The following MINDY3 variants were observed in gnomAD, a reference collection of about 807,000 sequenced individuals.
MINDY3 encodes MINDY lysine 48 deubiquitinase 3.
Under a neutral mutation model 69.2 loss-of-function variants are expected in MINDY3, and 38 were observed. The ratio of observed to expected loss-of-function variants is 0.55; its 90% CI spans 0.42 to 0.72. The LOEUF (loss-of-function observed/expected upper bound fraction) is 0.72. Ranked by LOEUF, MINDY3 falls within the 30% of genes least tolerant of loss-of-function variation. The pLI, the probability that MINDY3 is intolerant of heterozygous loss-of-function variation, is 0.00. For synonymous variants in MINDY3, 192 were observed against 180.1 expected (o/e 1.07, Z -0.53); for missense variants, 522 against 519.0 (o/e 1.01, Z -0.06).
intron 11 of MINDY3, among the ~76,000 whole-genome samples, chr10:15,792,474 G>T (rs1837492139): frequency 1.3e-5 from 2 of 152,118 alleles, no homozygotes; most frequent in South Asian, 2.1e-4. Flanking sequence ...AGCTGGGGAT[G>T]CCTGACAGAA....
chr10:15,822,266 A>G (rs1839817890), intron 8 of MINDY3, among the ~76,000 whole-genome samples: 1 of 152,146 alleles, frequency 6.6e-6, no homozygotes, highest in Non-Finnish European at 1.5e-5. Context: ...ATAGAAAATG[A>G]TCTCTGCCTT....
intron 3 of MINDY3, among the ~76,000 whole-genome samples, chr10:15,842,383 A>G (rs1049979340): frequency 5.9e-5 from 9 of 151,892 alleles, no homozygotes; most frequent in Non-Finnish European, 1.3e-4. Context: ...ATGTTTTATC[A>G]AAGTGAATAT....
intron 10 of MINDY3, among the ~76,000 whole-genome samples, chr10:15,804,450 T>TC (rs1838486069): frequency 6.6e-6 from 1 of 152,172 alleles, no homozygotes; most frequent in Non-Finnish European, 1.5e-5. Context: ...GATAAGTAAT[T>TC]CATTACTGAA....
intron 1 of MINDY3, among the ~76,000 whole-genome samples, chr10:15,859,384 A>G (rs764816130): frequency 3.3e-5 from 5 of 152,172 alleles, no homozygotes; most frequent in Non-Finnish European, 5.9e-5. Context: ...TTTTAACCTC[A>G]TCATCATCTT....
intron 4 of MINDY3, 105 bp from the exon 5 acceptor site, chr10:15,838,384 T>G (rs531382666): frequency 2.2e-6 from 2 of 892,634 alleles, no homozygotes; most frequent in African/African-American, 3.4e-5. Flanking sequence ...TTTCCCTATT[T>G]CCTTACTCCC....
At chr10:15,793,318 C>CTGAGCCAATTATCTAGAGGTGATACATCA (rs1837562106) in intron 11 of MINDY3, among the ~76,000 whole-genome samples, 1 of 152,108 alleles carries the variant, frequency 6.6e-6, no homozygotes, top group Non-Finnish European at 1.5e-5. Context: ...TGAGATTAAA[C>CTGAGCCAATTATCTAGAGGTGATACATCA]TGAGCCAATT....
intron 12 of MINDY3, among the ~76,000 whole-genome samples, chr10:15,788,388 A>G (rs1370923899): frequency 6.6e-6 from 1 of 152,172 alleles, no homozygotes. Flanking sequence ...TGTGTATTGC[A>G]TACTTTCAAA....
At chr10:15,848,422 C>T (rs937981646) in intron 1 of MINDY3, among the ~76,000 whole-genome samples, 2 of 151,800 alleles carry the variant, frequency 1.3e-5, no homozygotes, top group Admixed American at 6.6e-5. Context: ...ATCACGAGGT[C>T]AGGAGATCGA....
intron 1 of MINDY3, among the ~76,000 whole-genome samples, chr10:15,851,484 T>C (rs1341378979): frequency 6.6e-6 from 1 of 151,960 alleles, no homozygotes; most frequent in Non-Finnish European, 1.5e-5. Context: ...TCTTACCCCT[T>C]GTAAATGTTT....
chr10:15,813,956 A>T (rs1028566724), intron 10 of MINDY3, among the ~76,000 whole-genome samples: 2 of 151,312 alleles, frequency 1.3e-5, no homozygotes, highest in African/African-American at 4.8e-5. Flanking sequence ...TGAATGTATA[A>T]TAAAGCAAAC....
intron 4 of MINDY3, 105 bp downstream of exon 4, chr10:15,841,321 T>A: frequency 1.2e-6 from 1 of 862,052 alleles, no homozygotes; most frequent in Non-Finnish European, 1.8e-6. Context: ...TGGAAAAGAA[T>A]ACATGTTATG....
chr10:15,838,240 T>C lies in MINDY3; in HGVS notation c.449A>G (p.His150Arg). ...AVEELGFERF[H>R]ALIQKRSFRS... ...CAATGTTACTTACTGAATTAATGCA[T>C]GAAATCGCTCAAAGCCAAGCTCTTC... Residue 150 changes from histidine (H) to arginine (R), a missense_variant, in exon 5 of 15, where the codon CAT (histidine) becomes CGT (arginine). Coordinates refer to ENST00000277632, the MANE Select transcript of MINDY3 (RefSeq NM_024948.4). The C allele has an allele frequency of 6.2e-7, 1 of 1,603,808 alleles. No homozygotes were observed. Among genetic ancestry groups the C allele is most frequent in the Non-Finnish European group, 8.5e-7 (1 of 1,176,058 alleles).
chr10:15,837,425 C>T (rs949662154), intron 5 of MINDY3, 107 bp from the exon 6 acceptor site: 2 of 1,243,520 alleles, frequency 1.6e-6, no homozygotes, highest in African/African-American at 3.1e-5. Context: ...TACATACAAA[C>T]AGGAAAGTTT....
At chr10:15,858,078 CA>C (rs1288770158) in intron 1 of MINDY3, 1 of 218,152 alleles carries the variant, frequency 4.6e-6, no homozygotes. Flanking sequence ...GCAATGGCCT[CA>C]AAGAACAAAC....
chr10:15,796,037 G>T (rs1012998383), intron 11 of MINDY3, 63 bp downstream of exon 11: 12 of 1,151,146 alleles, frequency 1.0e-5, no homozygotes, highest in Non-Finnish European at 1.6e-5. Context: ...AAATCAGGTC[G>T]CTATCAATGT....
intron 6 of MINDY3, among the ~76,000 whole-genome samples, chr10:15,836,820 T>G (rs1833115262): frequency 6.6e-6 from 1 of 150,874 alleles, no homozygotes; most frequent in Admixed American, 6.6e-5. Context: ...ATAAGAATCG[T>G]GAGACATTAT....
chr10:15,829,214 G>T (rs1041422083), intron 8 of MINDY3, among the ~76,000 whole-genome samples: 1 of 152,152 alleles, frequency 6.6e-6, no homozygotes. Context: ...GACATTAAAT[G>T]GGAGTTAACA....
chr10:15,790,624 G>C, intron 11 of MINDY3, among the ~76,000 whole-genome samples: 1 of 152,096 alleles, frequency 6.6e-6, no homozygotes, highest in East Asian at 1.9e-4. Context: ...TTAGGTTTCT[G>C]TGTTTATAGG....
intron 1 of MINDY3, 106 bp downstream of exon 1, chr10:15,860,100 G>T: frequency 2.5e-6 from 2 of 815,204 alleles, no homozygotes; most frequent in Non-Finnish European, 4.1e-6. Context: ...CGGCGACTGG[G>T]GCAGAGAGCG....
Sources: gnomAD v4.1 joint callset for allele counts (sites outside exome capture counted in the v4.1 genomes callset) on GRCh38, gnomAD v4.1.1 for gene constraint, MANE v1.5 for transcripts, NCBI Gene and HGNC (gene_info 2026-07-23, HGNC 2026-07-21) for gene names.